The following TPST1 variants were observed in gnomAD, a reference collection of about 807,000 sequenced individuals.
TPST1 encodes tyrosylprotein sulfotransferase 1, also known as protein-tyrosine sulfotransferase 1.
In TPST1, 20 loss-of-function variants were observed where a neutral mutation model predicts 34.8. The observed-to-expected ratio is 0.57, with a 90% CI of 0.40 to 0.84. TPST1 has a LOEUF of 0.84. TPST1 is among the 40% of genes least tolerant of loss of function. The probability of loss-of-function intolerance (pLI) is 0.00; values close to 1 mark genes in which losing one functional copy is unlikely to be tolerated. For missense variants in TPST1, 353 were observed against 455.5 expected, an observed-to-expected ratio of 0.78 and a Z score of 2.05; for synonymous variants, 152 against 159.4, an observed-to-expected ratio of 0.95 and a Z score of 0.35.
At chr7:66,258,188 C>G (rs577879981) in intron 2 of TPST1, among the ~76,000 whole-genome samples, 1 of 151,934 alleles carries the variant, frequency 6.6e-6, no homozygotes, top group South Asian at 2.1e-4. Context: ...TTTTGATTGT[C>G]TTTTCCCTCA....
intron 5 of TPST1, chr7:66,359,105 G>A (rs546083230): frequency 6.6e-6 from 1 of 150,422 alleles, no homozygotes; most frequent in East Asian, 1.9e-4. Context: ...AGGAATCAGG[G>A]TGCTGACCCC....
intron 3 of TPST1, among the ~76,000 whole-genome samples, chr7:66,338,385 T>G (rs539556224): frequency 6.6e-6 from 1 of 152,248 alleles, no homozygotes; most frequent in African/African-American, 2.4e-5. Context: ...ACAGTAATAC[T>G]AGGGAACATC....
At chr7:66,303,391 G>GTGTATGTATGTAGGTATGTA in intron 3 of TPST1, among the ~76,000 whole-genome samples, 1 of 150,048 alleles carries the variant, frequency 6.7e-6, no homozygotes, top group Non-Finnish European at 1.5e-5. Flanking sequence ...ACAGCTGTGT[G>GTGTATGTATGTAGGTATGTA]TGTATGTATG....
intron 3 of TPST1, among the ~76,000 whole-genome samples, chr7:66,311,759 G>T (rs1367105661): frequency 3.3e-5 from 5 of 152,134 alleles, no homozygotes; most frequent in Non-Finnish European, 7.4e-5. Context: ...TTTTTACTGT[G>T]TTTTAAAGGG....
chr7:66,254,193 G>T (rs1584180136), intron 2 of TPST1, among the ~76,000 whole-genome samples: 1 of 151,954 alleles, frequency 6.6e-6, no homozygotes, highest in Non-Finnish European at 1.5e-5. Flanking sequence ...AGGTAATTTG[G>T]GGGAGGATTG....
At chr7:66,336,242 G>A (rs1026828536) in intron 3 of TPST1, among the ~76,000 whole-genome samples, 2 of 151,906 alleles carry the variant, frequency 1.3e-5, no homozygotes, top group Admixed American at 1.3e-4. Flanking sequence ...CCCAGGAGGC[G>A]GAGCTTGCAG....
At chr7:66,238,250 G>A (rs554611988) in intron 1 of TPST1, among the ~76,000 whole-genome samples, 1 of 152,128 alleles carries the variant, frequency 6.6e-6, no homozygotes, top group East Asian at 1.9e-4. Flanking sequence ...TGGAGGCCTG[G>A]GGAGTTTCTT....
intron 2 of TPST1, among the ~76,000 whole-genome samples, chr7:66,257,597 G>A (rs902797662): frequency 6.6e-6 from 1 of 151,994 alleles, no homozygotes; most frequent in Non-Finnish European, 1.5e-5. Context: ...GGTTTTTTTG[G>A]TCCAGCCTGG....
At chr7:66,219,733 CT>C (rs975187516) in intron 1 of TPST1, among the ~76,000 whole-genome samples, 1 of 152,212 alleles carries the variant, frequency 6.6e-6, no homozygotes, top group Non-Finnish European at 1.5e-5. Flanking sequence ...GCATACCTGG[CT>C]TTTTGTTCAT....
At chr7:66,241,883 A>G (rs1334415190) in intron 2 of TPST1, among the ~76,000 whole-genome samples, 1 of 152,240 alleles carries the variant, frequency 6.6e-6, no homozygotes, top group Non-Finnish European at 1.5e-5. Flanking sequence ...CTTGGTCTCA[A>G]TGAGGTCGTG....
At chr7:66,298,466 T>C in intron 3 of TPST1, among the ~76,000 whole-genome samples, 1 of 152,212 alleles carries the variant, frequency 6.6e-6, no homozygotes, top group East Asian at 1.9e-4. Flanking sequence ...TTTTTATGTA[T>C]ACTATATACA....
intron 2 of TPST1, among the ~76,000 whole-genome samples, chr7:66,251,885 A>G (rs1373179140): frequency 1.3e-5 from 2 of 151,256 alleles, no homozygotes; most frequent in East Asian, 1.9e-4. Flanking sequence ...CCAAAATACT[A>G]TTCTCTGGTA....
At chr7:66,280,446 T>C (rs545509935) in intron 2 of TPST1, among the ~76,000 whole-genome samples, 11 of 152,366 alleles carry the variant, frequency 7.2e-5, no homozygotes, top group African/African-American at 2.6e-4. Flanking sequence ...TGTATGGAAA[T>C]GCTATTTTTG....
At chr7:66,281,394 G>A (rs1206166634) in intron 2 of TPST1, among the ~76,000 whole-genome samples, 1 of 152,180 alleles carries the variant, frequency 6.6e-6, no homozygotes, top group Non-Finnish European at 1.5e-5. Context: ...AATAGTTTCA[G>A]TAGGTTTGGT....
At chr7:66,203,809 G>T (rs1228489866), upstream of TPST1, among the ~76,000 whole-genome samples, 1 of 152,062 alleles carries the variant, frequency 6.6e-6, no homozygotes, top group Non-Finnish European at 1.5e-5. Flanking sequence ...CTACACAAAT[G>T]TTCATAGCAG....
At chr7:66,345,856 TTAAA>T (rs1226484709) in intron 3 of TPST1, among the ~76,000 whole-genome samples, 4 of 152,156 alleles carry the variant, frequency 2.6e-5, no homozygotes, top group African/African-American at 7.2e-5. Flanking sequence ...CTAGTTGTTT[TTAAA>T]TAAATAGTTA....
upstream of TPST1, among the ~76,000 whole-genome samples, chr7:66,203,188 C>G (rs1419125645): frequency 1.3e-5 from 2 of 151,804 alleles, no homozygotes; most frequent in Non-Finnish European, 2.9e-5. Flanking sequence ...TATATACACA[C>G]ACACACATAT....
At chr7:66,214,370 T>G (rs2116238249) in intron 1 of TPST1, among the ~76,000 whole-genome samples, 1 of 151,302 alleles carries the variant, frequency 6.6e-6, no homozygotes, top group African/African-American at 2.4e-5. Flanking sequence ...TATTAATATT[T>G]ACTAATTTTT....
intron 1 of TPST1, among the ~76,000 whole-genome samples, chr7:66,230,819 G>A (rs1372521546): frequency 2.0e-5 from 3 of 152,142 alleles, no homozygotes; most frequent in Admixed American, 6.5e-5. Flanking sequence ...GATTGGTAGA[G>A]CCGAGTGGTC....
Sources: allele counts gnomAD v4.1 joint callset (sites outside exome capture counted in the v4.1 genomes callset), GRCh38; gene constraint gnomAD v4.1.1; transcripts MANE v1.5; gene names NCBI Gene and HGNC (gene_info 2026-07-23, HGNC 2026-07-21).